TXLNB: variants seen among roughly 807,000 people sequenced by gnomAD.
The protein encoded by TXLNB is taxilin beta.
In TXLNB, 37 loss-of-function variants were observed where a neutral mutation model predicts 57.4. The ratio of observed to expected loss-of-function variants is 0.64; its 90% CI spans 0.50 to 0.85. The LOEUF (loss-of-function observed/expected upper bound fraction) is 0.85, where lower values mean the gene tolerates loss of function less well. TXLNB is among the 40% of genes least tolerant of loss of function. The pLI is 0.00. For synonymous variants in TXLNB, 302 were observed against 309.6 expected, an observed-to-expected ratio of 0.98 and a Z score of 0.26; for missense variants, 848 against 825.6, an observed-to-expected ratio of 1.03 and a Z score of -0.33.
At chr6:139,300,045 C>T in the TXLNB span, among the ~76,000 whole-genome samples, 2 of 151,994 alleles carry the variant, frequency 1.3e-5, no homozygotes, top group African/African-American at 4.8e-5. Context: ...CTTTTGATTC[C>T]CCTCCCTAAG....
the TXLNB span, among the ~76,000 whole-genome samples, chr6:139,200,872 G>A: frequency 3.3e-5 from 5 of 152,104 alleles, no homozygotes; most frequent in African/African-American, 1.2e-4. Flanking sequence ...CTTGAGCCTA[G>A]TCATAGCCTG....
intron 2 of TXLNB, among the ~76,000 whole-genome samples, chr6:139,282,428 T>C (rs1777076430): frequency 6.9e-6 from 1 of 144,438 alleles, no homozygotes; most frequent in Admixed American, 6.8e-5. Flanking sequence ...AATATAAAAA[T>C]TGGCCATGCA....
chr6:139,263,484 G>A (rs958707940), intron 4 of TXLNB, among the ~76,000 whole-genome samples: 18 of 152,120 alleles, frequency 1.2e-4, no homozygotes, highest in African/African-American at 4.3e-4. Flanking sequence ...GCAATATTAA[G>A]TTTCAAATCT....
intron 4 of TXLNB, among the ~76,000 whole-genome samples, chr6:139,269,521 G>T (rs1032648633): frequency 6.6e-6 from 1 of 152,108 alleles, no homozygotes; most frequent in Non-Finnish European, 1.5e-5. Context: ...TCATCACACT[G>T]GTTCTCCATT....
chr6:139,278,865 T>G (rs1274865787), intron 2 of TXLNB, among the ~76,000 whole-genome samples: 3 of 152,026 alleles, frequency 2.0e-5, no homozygotes, highest in South Asian at 2.1e-4. Context: ...TTAGCTAGGC[T>G]TGGTGGTACA....
the TXLNB span, among the ~76,000 whole-genome samples, chr6:139,307,500 C>T: frequency 6.6e-6 from 1 of 152,172 alleles, no homozygotes; most frequent in Non-Finnish European, 1.5e-5. Context: ...CAACAAATAT[C>T]TATGAATTAA....
chr6:139,263,511 G>A (rs78909153), intron 4 of TXLNB, among the ~76,000 whole-genome samples: 3,576 of 152,224 alleles, frequency 0.023, 124 homozygotes, highest in African/African-American at 0.077. Flanking sequence ...ACTCTAAAGT[G>A]AAACATCTAA....
chr6:139,248,136 C>T (rs935147252), intron 7 of TXLNB, among the ~76,000 whole-genome samples: 7 of 152,152 alleles, frequency 4.6e-5, no homozygotes, highest in Non-Finnish European at 8.8e-5. Context: ...GCACTTTGGG[C>T]GGCCAAGGCA....
chr6:139,174,353 G>T, the TXLNB span: 3 of 1,568,360 alleles, frequency 1.9e-6, no homozygotes, highest in Non-Finnish European at 1.7e-6. Context: ...TTCCATGATG[G>T]CCACTCAGAG....
At chr6:139,174,625 A>G in the TXLNB span, 1 of 1,537,028 alleles carries the variant, frequency 6.5e-7, no homozygotes, top group East Asian at 2.3e-5. Context: ...TCTGGCAATA[A>G]AGAAGAAATT....
chr6:139,198,381 G>A, the TXLNB span, among the ~76,000 whole-genome samples: 2 of 152,052 alleles, frequency 1.3e-5, no homozygotes, highest in African/African-American at 4.8e-5. Flanking sequence ...AGAGTGAGAG[G>A]TCAGGAGCTC....
intron 8 of TXLNB, chr6:139,245,635 G>C (rs1281047242): frequency 1.3e-5 from 2 of 152,140 alleles, no homozygotes; most frequent in Non-Finnish European, 2.9e-5. Flanking sequence ...CTACAGACAA[G>C]CTAGGTTTTT....
rs1418130483 is a variant in TXLNB at position 139,262,780 on chromosome 6, A to G, written c.688-7T>C. 3 of 1,611,536 alleles carry G rather than the reference A, an allele frequency of 1.9e-6. No homozygotes were observed. The highest frequency in any genetic ancestry group is 2.2e-5 in the South Asian group (2 of 90,808). On this transcript the variant is annotated splice_region_variant and splice_polypyrimidine_tract_variant and intron_variant, in intron 4 of 9. Transcript: ENST00000358430. Reference sequence around the variant, plus strand: ...CCCGCTGAAGCGCCTCTTCCTGCGGATAAAAAGCAAAACATTTTGTTTAAA... The same window carrying G: ...CCCGCTGAAGCGCCTCTTCCTGCGGGTAAAAAGCAAAACATTTTGTTTAAA...
the TXLNB span, among the ~76,000 whole-genome samples, chr6:139,191,352 G>A: frequency 6.6e-6 from 1 of 152,200 alleles, no homozygotes; most frequent in Non-Finnish European, 1.5e-5. Flanking sequence ...CTGGGAGGTG[G>A]AGGTTGCGGT....
chr6:139,299,962 T>C, the TXLNB span, among the ~76,000 whole-genome samples: 3 of 152,208 alleles, frequency 2.0e-5, no homozygotes, highest in African/African-American at 7.2e-5. Context: ...CCCTTTCAAA[T>C]AGCCTTTTTG....
At chr6:139,231,235 C>T in the TXLNB span, among the ~76,000 whole-genome samples, 2,395 of 152,278 alleles carry the variant, frequency 0.016, 37 homozygotes, top group South Asian at 0.034. Flanking sequence ...AATAAACATG[C>T]TGTCAGAGTT....
chr6:139,296,369 AGTTTTTAAT>A (rs1258934473), upstream of TXLNB, among the ~76,000 whole-genome samples: 1 of 152,098 alleles, frequency 6.6e-6, no homozygotes, highest in Non-Finnish European at 1.5e-5. Context: ...CCTGTCTTTT[AGTTTTTAAT>A]GTTTCTTAAA....
chr6:139,278,260 C>T (rs939588551), intron 2 of TXLNB, among the ~76,000 whole-genome samples: 3 of 152,184 alleles, frequency 2.0e-5, no homozygotes, highest in African/African-American at 2.4e-5. Flanking sequence ...TCACTCCACT[C>T]TCATGTGGAA....
chr6:139,299,495 G>C, the TXLNB span, among the ~76,000 whole-genome samples: 2 of 152,184 alleles, frequency 1.3e-5, no homozygotes, highest in African/African-American at 4.8e-5. Flanking sequence ...CATGGTTTTG[G>C]ACTGGGACCT....
Sources: gnomAD v4.1 joint callset for allele counts (sites outside exome capture counted in the v4.1 genomes callset) on GRCh38, gnomAD v4.1.1 for gene constraint, MANE v1.5 for transcripts, NCBI Gene and HGNC (gene_info 2026-07-23, HGNC 2026-07-21) for gene names.